CDKL3: variants seen among roughly 807,000 people sequenced by gnomAD.
CDKL3 encodes cyclin-dependent kinase-like 3.
In CDKL3, 65 loss-of-function variants were observed where a neutral mutation model predicts 69.3. The ratio of observed to expected loss-of-function variants is 0.94; its 90% CI spans 0.77 to 1.15. The LOEUF (loss-of-function observed/expected upper bound fraction) is 1.15. CDKL3 is among the 50% of genes most tolerant of loss of function. The pLI is 0.00. For synonymous variants in CDKL3, 202 were observed against 221.6 expected (o/e 0.91, Z 0.79); for missense variants, 652 against 689.2 (o/e 0.95, Z 0.61).
At chr5:134,317,993 G>A (rs1771624911) in intron 6 of CDKL3, among the ~76,000 whole-genome samples, 1 of 152,112 alleles carries the variant, frequency 6.6e-6, no homozygotes. Flanking sequence ...GCCAAGGTGG[G>A]AGGATCACCT....
chr5:134,330,488 G>C (rs550319324), intron 4 of CDKL3, among the ~76,000 whole-genome samples: 63 of 152,314 alleles, frequency 4.1e-4, no homozygotes, highest in Non-Finnish European at 2.1e-4. Flanking sequence ...ACCAAGGCAG[G>C]CAGAGTGCTT....
chr5:134,283,804 A>G (rs1368641161), downstream of CDKL3, among the ~76,000 whole-genome samples: 2 of 152,114 alleles, frequency 1.3e-5, no homozygotes, highest in Non-Finnish European at 2.9e-5. Flanking sequence ...CCTTCCATCT[A>G]TGAGCCTATA....
At chr5:134,310,177 ATATT>A (rs964769395) in intron 7 of CDKL3, among the ~76,000 whole-genome samples, 17 of 150,718 alleles carry the variant, frequency 1.1e-4, no homozygotes, top group East Asian at 7.8e-4. Context: ...ATTTTTTATT[ATATT>A]TATTTATTTA....
intron 4 of CDKL3, among the ~76,000 whole-genome samples, chr5:134,347,697 TAAAAAAAAAAAA>T: frequency 1.9e-5 from 1 of 52,828 alleles, no homozygotes; most frequent in South Asian, 6.2e-4. Flanking sequence ...CCATCTCTGC[TAAAAAAAAAAAA>T]AAAAAAAAAA....
At chr5:134,314,972 T>C (rs1414618870) in intron 6 of CDKL3, among the ~76,000 whole-genome samples, 3 of 152,192 alleles carry the variant, frequency 2.0e-5, no homozygotes, top group Admixed American at 6.5e-5. Context: ...ATTTTAAGTA[T>C]GTATAGTTTA....
chr5:134,329,282 G>A (rs766078663), intron 4 of CDKL3, among the ~76,000 whole-genome samples: 3 of 152,068 alleles, frequency 2.0e-5, no homozygotes, highest in Admixed American at 6.5e-5. Context: ...AGGCTGCAGT[G>A]AGTCACGATC....
downstream of CDKL3, chr5:134,298,357 A>G (rs187835725): frequency 1.2e-5 from 14 of 1,132,938 alleles, no homozygotes; most frequent in Admixed American, 9.2e-5. Flanking sequence ...ATCATTAAGT[A>G]TAAGTACAGT....
intron 3 of CDKL3, among the ~76,000 whole-genome samples, chr5:134,355,067 C>T (rs914038935): frequency 2.0e-5 from 3 of 150,794 alleles, no homozygotes; most frequent in East Asian, 3.9e-4. Context: ...CAAGCCTGGG[C>T]AACATGGTGA....
intron 4 of CDKL3, among the ~76,000 whole-genome samples, chr5:134,345,042 G>A (rs1751502761): frequency 6.6e-6 from 1 of 152,124 alleles, no homozygotes. Flanking sequence ...TCCAGCCTGG[G>A]CGACAGAGAG....
chr5:134,327,748 A>G (rs1774765508), intron 4 of CDKL3, among the ~76,000 whole-genome samples: 1 of 152,226 alleles, frequency 6.6e-6, no homozygotes, highest in South Asian at 2.1e-4. Context: ...CAGTTTGTAG[A>G]GCTATTTAAG....
chr5:134,294,390 T>C (rs1171923607), downstream of CDKL3, among the ~76,000 whole-genome samples: 1 of 152,142 alleles, frequency 6.6e-6, no homozygotes, highest in African/African-American at 2.4e-5. Flanking sequence ...ATAAGACCTA[T>C]AGCTAGCATC....
chr5:134,345,490 C>T (rs1751633786), intron 4 of CDKL3, among the ~76,000 whole-genome samples: 1 of 152,190 alleles, frequency 6.6e-6, no homozygotes, highest in African/African-American at 2.4e-5. Flanking sequence ...GAAGAGACCA[C>T]CAAACATGCT....
intron 8 of CDKL3, among the ~76,000 whole-genome samples, chr5:134,286,839 A>G (rs1461840712): frequency 2.0e-5 from 3 of 152,218 alleles, no homozygotes; most frequent in East Asian, 3.8e-4. Context: ...TGGGAATTCA[A>G]GATGAGATTT....
chr5:134,337,141 T>C (rs1581087999), intron 4 of CDKL3, among the ~76,000 whole-genome samples: 1 of 152,310 alleles, frequency 6.6e-6, no homozygotes, highest in East Asian at 1.9e-4. Context: ...TCCATGGGCA[T>C]GGGACCTGCT....
intron 4 of CDKL3, among the ~76,000 whole-genome samples, chr5:134,347,146 A>C (rs1428117963): frequency 1.3e-5 from 2 of 152,102 alleles, no homozygotes; most frequent in African/African-American, 4.8e-5. Flanking sequence ...AACTCTCTAT[A>C]CTATCTTTGT....
chr5:134,299,546 T>G, intron 12 of CDKL3: 1 of 1,193,130 alleles, frequency 8.4e-7, no homozygotes. Context: ...AAAAACAAAT[T>G]TAGGTGAATG....
Position 134,304,518 on chromosome 5 carries a change from T to C in CDKL3, c.1508A>G (p.Gln503Arg). 6.2e-7 allele frequency: 1 copy of C among 1,612,956 alleles called. No individual in the cohort carries two copies. The highest frequency in any genetic ancestry group is 8.5e-7 in the Non-Finnish European group (1 of 1,179,490). ...IFNERTGHSD[Q>R]MANENKRKLN... ...CTTCCTTTTGTTCTCATTTGCCATT[T>C]GGTCACTGTGACCTGTTCGCTCATT... Residue 503 changes from glutamine to arginine, a missense_variant, in exon 11 of 13, where the codon CAA becomes CGA. Coordinates refer to ENST00000265334, the MANE Select transcript of CDKL3 (RefSeq NM_001113575.2).
At chr5:134,366,230 AAGAT>A (rs1217820679) in intron 2 of CDKL3, 125 bp downstream of exon 2, 14 of 628,840 alleles carry the variant, frequency 2.2e-5, no homozygotes, top group Middle Eastern at 4.3e-4. Context: ...AAATGTAGAT[AAGAT>A]AGAGTATTAC....
intron 10 of CDKL3, among the ~76,000 whole-genome samples, 188 bp downstream of exon 10, chr5:134,306,421 C>T (rs1314811930): frequency 6.6e-6 from 1 of 151,972 alleles, no homozygotes; most frequent in Admixed American, 6.6e-5. Flanking sequence ...TGCTTGGGCC[C>T]AGGAGGTCGA....
Sources: allele counts gnomAD v4.1 joint callset (sites outside exome capture counted in the v4.1 genomes callset), GRCh38; gene constraint gnomAD v4.1.1; transcripts MANE v1.5; gene names NCBI Gene and HGNC (gene_info 2026-07-23, HGNC 2026-07-21).